The following SEMA6D variants were observed in gnomAD, a reference collection of about 807,000 sequenced individuals.
SEMA6D encodes the protein semaphorin-6D.
Under a neutral mutation model 106.6 loss-of-function variants are expected in SEMA6D, and 35 were observed. The ratio of observed to expected loss-of-function variants is 0.33; its 90% CI spans 0.25 to 0.44. SEMA6D has a LOEUF of 0.44. SEMA6D is among the 20% of genes least tolerant of loss of function. The pLI is 1.00. For missense variants in SEMA6D, 1,185 were observed against 1,345.9 expected (o/e 0.88, Z 1.87); for synonymous variants, 499 against 487.7 (o/e 1.02, Z -0.31).
chr15:47,276,964 G>C (rs1271937624), intron 1 of SEMA6D, among the ~76,000 whole-genome samples: 2 of 152,160 alleles, frequency 1.3e-5, no homozygotes, highest in African/African-American at 4.8e-5. Context: ...CAATGAAATT[G>C]ATTCCAACTC....
chr15:47,284,311 A>G (rs1459961266), intron 1 of SEMA6D, among the ~76,000 whole-genome samples: 1 of 152,218 alleles, frequency 6.6e-6, no homozygotes, highest in Non-Finnish European at 1.5e-5. Flanking sequence ...GAGAAATTTA[A>G]AAAGTCACAA....
intron 1 of SEMA6D, among the ~76,000 whole-genome samples, chr15:47,392,076 A>G (rs1328316145): frequency 6.6e-6 from 1 of 152,130 alleles, no homozygotes; most frequent in Non-Finnish European, 1.5e-5. Flanking sequence ...TTGCCTGTTT[A>G]TTAAAGGTGC....
intron 4 of SEMA6D, among the ~76,000 whole-genome samples, chr15:47,622,219 AGAAAT>A (rs2077118077): frequency 6.6e-6 from 1 of 150,630 alleles, no homozygotes; most frequent in Non-Finnish European, 1.5e-5. Context: ...AAAAAAAAAA[AGAAAT>A]GAAAATATGG....
At chr15:47,422,938 T>G (rs1479195226) in intron 2 of SEMA6D, among the ~76,000 whole-genome samples, 1 of 152,076 alleles carries the variant, frequency 6.6e-6, no homozygotes, top group Admixed American at 6.6e-5. Flanking sequence ...AACAACTCAG[T>G]TGCAACAGAA....
At chr15:47,465,849 C>T (rs902105550) in intron 2 of SEMA6D, among the ~76,000 whole-genome samples, 3 of 151,932 alleles carry the variant, frequency 2.0e-5, no homozygotes, top group Non-Finnish European at 4.4e-5. Flanking sequence ...TATAGCAATG[C>T]GAAAATGGAC....
chr15:47,598,788 G>A (rs186645493), intron 3 of SEMA6D, among the ~76,000 whole-genome samples: 10 of 152,160 alleles, frequency 6.6e-5, no homozygotes, highest in Admixed American at 2.6e-4. Context: ...AATGCTTAAG[G>A]CAGATCAGAT....
At chr15:47,337,128 C>T (rs1291895520) in intron 1 of SEMA6D, among the ~76,000 whole-genome samples, 1 of 151,984 alleles carries the variant, frequency 6.6e-6, no homozygotes, top group Non-Finnish European at 1.5e-5. Context: ...ATAAGAAGAA[C>T]CCTAGTCCAG....
intron 1 of SEMA6D, among the ~76,000 whole-genome samples, chr15:47,226,371 G>C (rs539593065): frequency 1.3e-5 from 2 of 152,076 alleles, no homozygotes; most frequent in South Asian, 4.1e-4. Context: ...GGAAGACCTA[G>C]AAAACTAATG....
chr15:47,345,873 A>G (rs761698138), intron 1 of SEMA6D, among the ~76,000 whole-genome samples: 6 of 152,312 alleles, frequency 3.9e-5, no homozygotes, highest in South Asian at 2.1e-4. Context: ...GGAGTGATCA[A>G]TATGTATGTT....
chr15:47,699,983 GCA>G, intron 4 of SEMA6D, among the ~76,000 whole-genome samples: 1 of 152,192 alleles, frequency 6.6e-6, no homozygotes, highest in East Asian at 1.9e-4. Context: ...CTATATATCA[GCA>G]ATAAGAAAGT....
At chr15:47,573,414 T>A (rs2076098314) in intron 3 of SEMA6D, among the ~76,000 whole-genome samples, 1 of 152,336 alleles carries the variant, frequency 6.6e-6, no homozygotes, top group Non-Finnish European at 1.5e-5. Context: ...CATAGAATTA[T>A]TTTTACATGA....
intron 1 of SEMA6D, among the ~76,000 whole-genome samples, chr15:47,319,177 C>A (rs1226329322): frequency 2.0e-5 from 3 of 152,310 alleles, no homozygotes; most frequent in East Asian, 3.9e-4. Flanking sequence ...AGATTTCCAT[C>A]TCTCTGCTTA....
intron 3 of SEMA6D, among the ~76,000 whole-genome samples, chr15:47,544,014 A>G (rs758157529): frequency 1.6e-4 from 24 of 152,166 alleles, no homozygotes; most frequent in Non-Finnish European, 1.8e-4. Flanking sequence ...AAGCTTTCCT[A>G]TTCATCTCCA....
At chr15:47,557,550 A>G (rs1424775985) in intron 3 of SEMA6D, among the ~76,000 whole-genome samples, 1 of 152,186 alleles carries the variant, frequency 6.6e-6, no homozygotes, top group Non-Finnish European at 1.5e-5. Flanking sequence ...GTGCAGGGAA[A>G]TCAGCCTGAA....
intron 1 of SEMA6D, among the ~76,000 whole-genome samples, chr15:47,725,756 C>T (rs1193517907): frequency 6.6e-6 from 1 of 152,056 alleles, no homozygotes; most frequent in Non-Finnish European, 1.5e-5. Context: ...TATTAAAACA[C>T]ATAATAAAGG....
intron 1 of SEMA6D, among the ~76,000 whole-genome samples, chr15:47,333,488 T>C (rs930946529): frequency 4.6e-5 from 7 of 152,126 alleles, no homozygotes; most frequent in African/African-American, 1.7e-4. Context: ...TGTAAGGGCT[T>C]ATTTGAGTAT....
chr15:47,283,257 GA>G (rs531049738), intron 1 of SEMA6D, among the ~76,000 whole-genome samples: 10 of 152,102 alleles, frequency 6.6e-5, no homozygotes, highest in Non-Finnish European at 1.2e-4. Flanking sequence ...ACAATCAGCA[GA>G]AGGAAAAGTA....
chr15:47,249,037 G>A (rs904382677), intron 1 of SEMA6D, among the ~76,000 whole-genome samples: 1 of 152,130 alleles, frequency 6.6e-6, no homozygotes, highest in Admixed American at 6.5e-5. Flanking sequence ...AGACCAACCT[G>A]ACCAACATGA....
At chr15:47,705,327 C>T (rs1567001545) in intron 4 of SEMA6D, among the ~76,000 whole-genome samples, 4 of 152,148 alleles carry the variant, frequency 2.6e-5, no homozygotes, top group African/African-American at 9.7e-5. Context: ...TAGGGTTTTA[C>T]GGTTTTACTT....
Sources: allele counts gnomAD v4.1 joint callset (sites outside exome capture counted in the v4.1 genomes callset), GRCh38; gene constraint gnomAD v4.1.1; transcripts MANE v1.5; gene names NCBI Gene and HGNC (gene_info 2026-07-23, HGNC 2026-07-21).